FANCG: variants seen among roughly 807,000 people sequenced by gnomAD.
The protein encoded by FANCG is Fanconi anemia group G protein.
Under a neutral mutation model 73.3 loss-of-function variants are expected in FANCG, and 67 were observed. The observed-to-expected ratio is 0.91, with a 90% confidence interval of 0.75 to 1.12. FANCG has a LOEUF of 1.12. Among genes scored for constraint, FANCG ranks in the 50% most tolerant of loss-of-function variants. The probability of loss-of-function intolerance (pLI) is 0.00; values close to 1 mark genes in which losing one functional copy is unlikely to be tolerated. For synonymous variants in FANCG, 297 were observed against 311.6 expected, an observed-to-expected ratio of 0.95 and a Z score of 0.49; for missense variants, 643 against 735.6, an observed-to-expected ratio of 0.87 and a Z score of 1.46.
At chr9:35,077,458 C>T (rs1367284049) in intron 4 of FANCG, 59 bp from the exon 5 acceptor site, 4 of 1,608,732 alleles carry the variant, frequency 2.5e-6, no homozygotes, top group Non-Finnish European at 3.4e-6. Context: ...CTTCTCCTAT[C>T]TCCATCTATC....
chr9:35,078,418 C>G, intron 3 of FANCG, 75 bp from the exon 4 acceptor site: 1 of 1,552,042 alleles, frequency 6.4e-7, no homozygotes, highest in Non-Finnish European at 8.9e-7. Flanking sequence ...CCCACACACT[C>G]TGGCTTTCCT....
rs372808885 is a variant in FANCG, at chr9:35,076,492, T to C, written c.1016A>G (p.His339Arg). 3 of 1,613,988 alleles carry C rather than the reference T, an allele frequency of 1.9e-6. No individual in the cohort carries two copies. The highest frequency in any genetic ancestry group is 2.7e-5 in the African/African-American group (2 of 74,874). ...LPPPDLASPL[H>R]CGTQSQTKHI... ...CTTGGTCTGGCTCTGAGTGCCACAA[T>C]GAAGGGGTGAGGCTAGGTCAGGTGG... The change falls in exon 8 of 14, where the codon CAT becomes CGT. Residue 339 changes from histidine (H) to arginine (R), a missense_variant. By Grantham distance (29) the His-to-Arg change is conservative. Coordinates refer to ENST00000378643, the MANE Select transcript of FANCG (RefSeq NM_004629.2).
At chr9:35,075,927 T>C in intron 9 of FANCG, 35 bp downstream of exon 9, 3 of 1,611,006 alleles carry the variant, frequency 1.9e-6, no homozygotes, top group Non-Finnish European at 2.5e-6. Flanking sequence ...CCAACCCGTC[T>C]ACCCCATTGC....
chr9:35,077,049 A>G lies in FANCG; in HGVS notation c.699T>C (p.His233=). The G allele has an allele frequency of 2.5e-6, 4 of 1,614,264 alleles. No homozygotes were observed. The highest frequency in any genetic ancestry group is 3.4e-6 in the Non-Finnish European group (4 of 1,180,048). ...GNPDKALSSL[H]EAASGLCPRP... Reference sequence around the variant, plus strand: ...GTGGACACAGGCCTGAGGCCGCTTCATGAAGGCTGCTTAGTGCCTTGTCTG... The same window carrying G: ...GTGGACACAGGCCTGAGGCCGCTTCGTGAAGGCTGCTTAGTGCCTTGTCTG... Residue 233 remains histidine, a synonymous_variant, in exon 6 of 14, where the codon CAT becomes CAC. Transcript: ENST00000378643.
At chr9:35,076,221 A>C (rs930843548) in intron 8 of FANCG, 193 bp from the exon 9 acceptor site, 2 of 790,628 alleles carry the variant, frequency 2.5e-6, no homozygotes, top group Non-Finnish European at 4.3e-6. Context: ...TGGGGAAGAG[A>C]CTTCAGAGTG....
Position 35,077,350 on chromosome 9 carries a change from G to T in FANCG, c.560C>A (p.Pro187Gln), listed in dbSNP as rs781721901. The change falls in exon 5 of 14, where the codon CCA becomes CAA. Residue 187 changes from proline (P) to glutamine (Q), a missense_variant. By Grantham distance (76) the Pro-to-Gln change is moderately conservative (BLOSUM62 -1). Transcript: ENST00000378643. Reference sequence around the variant, plus strand: ...CAATGGAGCATCTAATTCCTCAGCTGGGGGACTCCAAGTTTTCAGAAGTAA... The same window carrying T: ...CAATGGAGCATCTAATTCCTCAGCTTGGGGACTCCAAGTTTTCAGAAGTAA... ...LLLLLKTWSP[P>Q]AEELDAPLTL... The T allele has an allele frequency of 6.8e-6, 11 of 1,613,958 alleles. No individual in the cohort carries two copies. The East Asian group carries it at 2.5e-4, about 36-fold the overall frequency.
chr9:35,076,008 T>C lies in FANCG; in HGVS notation c.1097A>G (p.His366Arg). Residue 366 changes from histidine (H) to arginine (R), a missense_variant, in exon 9 of 14, where the codon CAT becomes CGT. Physicochemically the swap from His to Arg is conservative, Grantham distance 29. Transcript: ENST00000378643. ...QTGRAGDAAEHYLDLLALLLD... is the reference protein window; with the variant it reads ...QTGRAGDAAERYLDLLALLLD... ...CAACAGGGCCAGCAGGTCCAAGTAATGCTCTGCAGCGTCTCCTGCCCTGAG... is the reference window on the plus strand; with the variant it reads ...CAACAGGGCCAGCAGGTCCAAGTAACGCTCTGCAGCGTCTCCTGCCCTGAG... 6.2e-7 allele frequency: 1 copy of C among 1,614,114 alleles called. No individual in the cohort carries two copies. Among genetic ancestry groups the C allele is most frequent in the South Asian group, 1.1e-5 (1 of 91,088 alleles).
chr9:35,079,296 C>A, intron 1 of FANCG, 55 bp from the exon 2 acceptor site: 1 of 1,563,378 alleles, frequency 6.4e-7, no homozygotes, highest in Admixed American at 1.7e-5. Context: ...TCTCCCCTTG[C>A]AGCAGTGGCA....
At position 35,079,238 on chromosome 9, in the gene FANCG, C is replaced by G. The variant is rs1443144182; in HGVS notation, c.88G>C (p.Ala30Pro). 1 of 1,606,566 alleles carries G rather than the reference C, an allele frequency of 6.2e-7. No homozygotes were observed. The highest frequency in any genetic ancestry group is 8.5e-7 in the Non-Finnish European group (1 of 1,176,794). The stretch of plus-strand genomic sequence containing the variant: ...CTCAGAGTCAGACCGGAGTTCTGAG[C>G]CACCTGCCACATGAGGGAGGGGTTG... Reference protein sequence around the residue: ...NDRLVRQAKVAQNSGLTLRRQ... With the variant: ...NDRLVRQAKVPQNSGLTLRRQ... The change falls in exon 2 of 14, where the codon GCT becomes CCT. Residue 30 changes from alanine to proline, a missense_variant. Coordinates refer to ENST00000378643, the MANE Select transcript of FANCG (RefSeq NM_004629.2).
chr9:35,077,790 C>T (rs1476364282), intron 4 of FANCG, among the ~76,000 whole-genome samples: 1 of 151,732 alleles, frequency 6.6e-6, no homozygotes, highest in East Asian at 1.9e-4. Context: ...CAGGGTCTCC[C>T]TCTGTCACCC....
chr9:35,077,588 T>C (rs150896610), intron 4 of FANCG, among the ~76,000 whole-genome samples, 189 bp from the exon 5 acceptor site: 2 of 152,014 alleles, frequency 1.3e-5, no homozygotes, highest in South Asian at 2.1e-4. Flanking sequence ...AAGAGATAGA[T>C]AGCTATGAGG....
At chr9:35,077,143 C>T (rs1362992802) in intron 5 of FANCG, 42 bp from the exon 6 acceptor site, 1 of 1,613,986 alleles carries the variant, frequency 6.2e-7, no homozygotes, top group African/African-American at 1.3e-5. Flanking sequence ...GGCTATAGAG[C>T]AGGGGTCATG....
chr9:35,079,097 G>A, intron 2 of FANCG, 54 bp downstream of exon 2: 1 of 1,461,232 alleles, frequency 6.8e-7, no homozygotes, highest in Non-Finnish European at 9.4e-7. Flanking sequence ...AGGAGCGGAT[G>A]TTTCTCTGGC....
rs1267794488 is a variant in FANCG, at chr9:35,075,841, C to T, written c.1144-87G>A. ...CCAGGCTCTGGTACCATGCAGAGTC[C>T]TGGGCCCCCAGACTGGACAGACAGA... On this transcript the variant is annotated intron_variant, in intron 9 of 13. Transcript: ENST00000378643. 3.3e-6 allele frequency: 5 copies of T among 1,534,304 alleles called. No individual in the cohort carries two copies. In the South Asian group the frequency reaches 4.5e-5, roughly 14 times the overall value.
Position 35,079,687 on chromosome 9 carries a change from G to C in FANCG, c.-163C>G. The C allele has an allele frequency of 2.9e-6, 2 of 696,634 alleles. No homozygotes were observed. Among genetic ancestry groups the C allele is most frequent in the Non-Finnish European group, 5.0e-6 (2 of 396,766 alleles). 43.2% of individuals were successfully genotyped at this position (696,634 alleles called of 1,614,324 possible). A position where few individuals can be genotyped will look rare whatever the true frequency, so the allele number is the denominator to read the frequency against. ...CAATCCACCCGCCCAGGCTTTCCAG[G>C]ACAGATGGGACGCTCTCTCCCCGCG... On this transcript the variant is annotated 5_prime_UTR_variant, in exon 1 of 14. Coordinates refer to ENST00000378643, the MANE Select transcript of FANCG (RefSeq NM_004629.2).
At chr9:35,079,275 C>G (rs1265511819) in intron 1 of FANCG, 34 bp from the exon 2 acceptor site, 1 of 1,589,280 alleles carries the variant, frequency 6.3e-7, no homozygotes, top group Non-Finnish European at 8.6e-7. Flanking sequence ...CACTGAGGAT[C>G]AATCCTTTTT....
Position 35,074,237 on chromosome 9 carries a change from T to C in FANCG, c.1761-21A>G, listed in dbSNP as rs562165828. ...GAGACCTGGAGAGAAAGAAGGATGA[T>C]GCCTAAGGGTGAAAGATTGGCAGAA... On this transcript the variant is annotated intron_variant, in intron 13 of 13. Coordinates refer to ENST00000378643, the MANE Select transcript of FANCG (RefSeq NM_004629.2). 7.4e-6 allele frequency: 12 copies of C among 1,612,698 alleles called. No homozygotes were observed. The African/African-American group carries it at 1.1e-4, about 14-fold the overall frequency.
intron 3 of FANCG, 74 bp from the exon 4 acceptor site, chr9:35,078,417 T>A: frequency 6.4e-7 from 1 of 1,553,914 alleles, no homozygotes. Flanking sequence ...CCCCACACAC[T>A]CTGGCTTTCC....
rs771088754 is a variant in FANCG, at chr9:35,078,292, T to C, written c.359A>G (p.Glu120Gly). ...AGCACGAAGGACAGAGTCCCACAGC[T>C]CCCTGAGCCCCTGTTCCAACCTGGG... ...QGPRLEQGLRELWDSVLRASC... is the reference protein window; with the variant it reads ...QGPRLEQGLRGLWDSVLRASC... The change falls in exon 4 of 14, where the codon GAG becomes GGG. Residue 120 changes from glutamate (E) to glycine (G), a missense_variant. Glu to Gly is a moderately conservative substitution (Grantham distance 98, BLOSUM62 -2). Transcript: ENST00000378643. The C allele has an allele frequency of 6.2e-7, 1 of 1,613,900 alleles. No individual in the cohort carries two copies. The highest frequency in any genetic ancestry group is 8.5e-7 in the Non-Finnish European group (1 of 1,179,996).
Sources: gnomAD v4.1 joint callset for allele counts (sites outside exome capture counted in the v4.1 genomes callset) on GRCh38, gnomAD v4.1.1 for gene constraint, MANE v1.5 for transcripts, NCBI Gene and HGNC (gene_info 2026-07-23, HGNC 2026-07-21) for gene names.